MAGI2: variants seen among roughly 807,000 people sequenced by gnomAD.
MAGI2 encodes the protein membrane-associated guanylate kinase, WW and PDZ domain-containing protein 2.
Under a neutral mutation model 133.3 loss-of-function variants are expected in MAGI2, and 35 were observed. That is an observed-to-expected ratio of 0.26 (90% confidence interval 0.20 to 0.35). The LOEUF (loss-of-function observed/expected upper bound fraction) is 0.35, where lower values mean the gene tolerates loss of function less well. Among genes scored for constraint, MAGI2 ranks in the 10% least tolerant of loss-of-function variants. The pLI, the probability that MAGI2 is intolerant of heterozygous loss-of-function variation, is 1.00. For synonymous variants in MAGI2, 729 were observed against 710.6 expected (o/e 1.03, Z -0.41); for missense variants, 1,636 against 1,863.4 (o/e 0.88, Z 2.25).
chr7:78,344,948 T>C lies in MAGI2; in HGVS notation c.1225+974A>G, dbSNP rs543998744. 4.6e-5 allele frequency among the ~76,000 whole-genome samples: 7 copies of C among 152,350 alleles called. No homozygotes were observed. In the South Asian group the frequency reaches 1.4e-3, roughly 32 times the overall value. On this transcript the variant is annotated intron_variant, in intron 8 of 21. Transcript: ENST00000354212. The stretch of plus-strand genomic sequence containing the variant: ...AGATAAATATTTTATATGATTCTTT[T>C]AAAATGTGTTATATTTAGGTGGTCT...
chr7:78,320,118 T>C (rs1241460662), intron 9 of MAGI2, among the ~76,000 whole-genome samples: 1 of 152,054 alleles, frequency 6.6e-6, no homozygotes, highest in Non-Finnish European at 1.5e-5. Context: ...AGTTCTGAAA[T>C]TGAGGCAGTA....
At position 79,010,760 on chromosome 7, in the gene MAGI2, CTTAT is replaced by C. The variant is rs147588071; in HGVS notation, c.302-3558_302-3555del. ...GCCATTATATTTGAATAACTATTGA[CTTAT>C]TTAGTTATGTGAAAAAAATTTTATT... On this transcript the variant is annotated intron_variant, in intron 1 of 21. Coordinates refer to ENST00000354212, the MANE Select transcript of MAGI2 (RefSeq NM_012301.4). 8.9e-3 allele frequency among the ~76,000 whole-genome samples: 1,353 copies of C among 151,980 alleles called. 25 individuals carry two copies. The highest frequency in any genetic ancestry group is 0.031 in the African/African-American group (1,297 of 41,458).
At position 78,447,022 on chromosome 7, in the gene MAGI2, C is replaced by G. The variant is rs571660179; in HGVS notation, c.1045+42739G>C. 9.9e-5 allele frequency among the ~76,000 whole-genome samples: 15 copies of G among 152,144 alleles called. No individual in the cohort carries two copies. In the South Asian group the frequency reaches 2.9e-3, roughly 29 times the overall value. On this transcript the variant is annotated intron_variant, in intron 6 of 21. Transcript: ENST00000354212. ...TCAAATGATGGTTCATCAGTTACAACAAATTTTTCATCAGAATGATTTTGG... is the reference window on the plus strand; with the variant it reads ...TCAAATGATGGTTCATCAGTTACAAGAAATTTTTCATCAGAATGATTTTGG...
At chr7:78,846,177 C>T (rs1353851959) in intron 2 of MAGI2, among the ~76,000 whole-genome samples, 1 of 151,458 alleles carries the variant, frequency 6.6e-6, no homozygotes, top group Non-Finnish European at 1.5e-5. Context: ...TAATGTCAAT[C>T]AGATTTCAAA....
chr7:78,348,972 C>G (rs1237602052), intron 7 of MAGI2, among the ~76,000 whole-genome samples: 1 of 152,150 alleles, frequency 6.6e-6, no homozygotes, highest in Non-Finnish European at 1.5e-5. Context: ...TGCACCGAAG[C>G]CAGTTGTTTA....
At position 78,566,494 on chromosome 7, in the gene MAGI2, C is replaced by A. The variant is rs1030803137; in HGVS notation, c.539-44849G>T. 5.4e-5 allele frequency among the ~76,000 whole-genome samples: 8 copies of A among 147,380 alleles called. No individual in the cohort carries two copies. In the East Asian group the frequency reaches 1.2e-3, roughly 22 times the overall value. On this transcript the variant is annotated intron_variant, in intron 3 of 21. Transcript: ENST00000354212. ...AGAGAGTGCTAACAAAGCAATCTATCCAGGATGATGAAAGACAGGGCTATC... is the reference window on the plus strand; with the variant it reads ...AGAGAGTGCTAACAAAGCAATCTATACAGGATGATGAAAGACAGGGCTATC...
At chr7:79,295,679 T>G (rs192888877) in intron 1 of MAGI2, among the ~76,000 whole-genome samples, 2 of 152,086 alleles carry the variant, frequency 1.3e-5, no homozygotes, top group Admixed American at 1.3e-4. Flanking sequence ...GGTAGAGTAG[T>G]GCAGCTAGTG....
At chr7:78,041,323 G>A (rs1236143758) in intron 21 of MAGI2, among the ~76,000 whole-genome samples, 1 of 152,158 alleles carries the variant, frequency 6.6e-6, no homozygotes, top group Non-Finnish European at 1.5e-5. Flanking sequence ...AATTCTTGAG[G>A]TTAGGAGCTT....
chr7:78,789,494 C>A (rs986061771), intron 2 of MAGI2, among the ~76,000 whole-genome samples: 1 of 152,032 alleles, frequency 6.6e-6, no homozygotes, highest in South Asian at 2.1e-4. Flanking sequence ...TCTTTTAGGA[C>A]TAAAGAGTAA....
intron 2 of MAGI2, among the ~76,000 whole-genome samples, chr7:78,967,648 A>T (rs534486100): frequency 6.6e-6 from 1 of 151,618 alleles, no homozygotes; most frequent in Admixed American, 6.6e-5. Context: ...TAGAAGTCCA[A>T]TTTCATTCTT....
At chr7:78,808,503 G>A (rs868762117) in intron 2 of MAGI2, among the ~76,000 whole-genome samples, 3 of 152,172 alleles carry the variant, frequency 2.0e-5, no homozygotes, top group Non-Finnish European at 2.9e-5. Context: ...TGATCCGCCC[G>A]CCTCGGCCTC....
At chr7:78,559,238 GT>G (rs375030951) in intron 3 of MAGI2, among the ~76,000 whole-genome samples, 1,419 of 128,284 alleles carry the variant, frequency 0.011, 13 homozygotes, top group African/African-American at 0.026. Flanking sequence ...TTCCTTTCAG[GT>G]TTTTTTTTTT....
chr7:78,814,648 C>T (rs1789401251), intron 2 of MAGI2, among the ~76,000 whole-genome samples: 1 of 152,030 alleles, frequency 6.6e-6, no homozygotes, highest in African/African-American at 2.4e-5. Flanking sequence ...CCTGGTGAAA[C>T]TTAAGGATGC....
chr7:78,131,057 C>G (rs1301320053), intron 18 of MAGI2, among the ~76,000 whole-genome samples: 2 of 152,164 alleles, frequency 1.3e-5, no homozygotes, highest in African/African-American at 4.8e-5. Flanking sequence ...AATGTGGCTG[C>G]GAGATTAATC....
chr7:79,097,674 C>T (rs1242952811), intron 1 of MAGI2, among the ~76,000 whole-genome samples: 1 of 152,166 alleles, frequency 6.6e-6, no homozygotes, highest in African/African-American at 2.4e-5. Flanking sequence ...GAAAAACCTG[C>T]ACCAGTAATC....
At chr7:78,531,395 G>A (rs534495475) in intron 3 of MAGI2, among the ~76,000 whole-genome samples, 2 of 152,004 alleles carry the variant, frequency 1.3e-5, no homozygotes, top group East Asian at 3.9e-4. Flanking sequence ...TGTATATTTA[G>A]TAGAGACGGG....
At chr7:79,300,583 A>G (rs1837315820) in intron 1 of MAGI2, among the ~76,000 whole-genome samples, 1 of 152,214 alleles carries the variant, frequency 6.6e-6, no homozygotes, top group African/African-American at 2.4e-5. Context: ...ATTTAAAAGG[A>G]TAGCAGAGCA....
chr7:78,895,688 CAG>C (rs1241532950), intron 2 of MAGI2, among the ~76,000 whole-genome samples: 5 of 152,098 alleles, frequency 3.3e-5, no homozygotes, highest in Admixed American at 3.3e-4. Context: ...CTATTAAACA[CAG>C]AGCATTATTT....
chr7:79,036,054 G>A, intron 1 of MAGI2, among the ~76,000 whole-genome samples: 1 of 152,278 alleles, frequency 6.6e-6, no homozygotes, highest in African/African-American at 2.4e-5. Flanking sequence ...AGAAATGTGA[G>A]GAGTCAGCAA....
Sources: gnomAD v4.1 joint callset for allele counts (sites outside exome capture counted in the v4.1 genomes callset) on GRCh38, gnomAD v4.1.1 for gene constraint, MANE v1.5 for transcripts, NCBI Gene and HGNC (gene_info 2026-07-23, HGNC 2026-07-21) for gene names.